CNBD1: variants seen among roughly 807,000 people sequenced by gnomAD.
The protein encoded by CNBD1 is cyclic nucleotide-binding domain-containing protein 1.
A neutral mutation model predicts 54.4 loss-of-function variants in CNBD1; 71 were observed. That is an observed-to-expected ratio of 1.30 (90% CI 1.08 to 1.59). CNBD1 has a LOEUF of 1.59. Among genes scored for constraint, CNBD1 ranks in the 40% most tolerant of loss-of-function variants. The pLI is 0.00. For missense variants in CNBD1, 659 were observed against 518.0 expected, an observed-to-expected ratio of 1.27 and a Z score of -2.64; for synonymous variants, 182 against 170.7, an observed-to-expected ratio of 1.07 and a Z score of -0.51.
At chr8:87,064,403 C>T (rs1056875927) in intron 4 of CNBD1, among the ~76,000 whole-genome samples, 2 of 151,818 alleles carry the variant, frequency 1.3e-5, no homozygotes, top group Admixed American at 1.3e-4. Context: ...CTCAATTTAT[C>T]AAAGTATAAT....
intron 4 of CNBD1, among the ~76,000 whole-genome samples, chr8:87,059,377 G>A (rs1810494977): frequency 6.6e-6 from 1 of 152,070 alleles, no homozygotes; most frequent in African/African-American, 2.4e-5. Context: ...ACATTTTCAA[G>A]CTCCTTATAG....
In CNBD1 at chr8:87,264,586, A is replaced by C. The variant is rs186235873; in HGVS notation, c.772-20092A>C. On this transcript the variant is annotated intron_variant, in intron 6 of 10. Coordinates refer to ENST00000518476, the MANE Select transcript of CNBD1 (RefSeq NM_173538.3). ...GAGGAATCACCACACTGTCTTCCAC[A>C]ATGGTTGAACTAGTTTACAGTCCCA... 8.4e-3 allele frequency among the ~76,000 whole-genome samples: 1,280 copies of C among 152,256 alleles called. 21 individuals carry two copies. Among genetic ancestry groups the C allele is most frequent in the African/African-American group, 0.029 (1,213 of 41,520 alleles).
At chr8:87,176,550 C>T (rs1813201531) in intron 4 of CNBD1, among the ~76,000 whole-genome samples, 1 of 148,282 alleles carries the variant, frequency 6.7e-6, no homozygotes, top group African/African-American at 2.5e-5. Flanking sequence ...GTGGCACAAT[C>T]TCGGCTCACT....
At chr8:87,164,744 C>G (rs575764952) in intron 4 of CNBD1, among the ~76,000 whole-genome samples, 1 of 151,446 alleles carries the variant, frequency 6.6e-6, no homozygotes, top group South Asian at 2.1e-4. Flanking sequence ...ACTTTCATTG[C>G]TTTTTTCTGT....
intron 4 of CNBD1, among the ~76,000 whole-genome samples, chr8:86,959,252 C>T (rs112218767): frequency 0.026 from 4,030 of 152,236 alleles, 186 homozygotes; most frequent in African/African-American, 0.093. Context: ...TTGTGGGTAA[C>T]CCAACCTTTC....
intron 8 of CNBD1, among the ~76,000 whole-genome samples, chr8:87,313,173 G>A (rs533368261): frequency 1.3e-5 from 2 of 151,928 alleles, no homozygotes; most frequent in African/African-American, 2.4e-5. Flanking sequence ...AACTTGAAAA[G>A]GTTTGATGCT....
intron 4 of CNBD1, among the ~76,000 whole-genome samples, chr8:87,075,015 T>C (rs1810839192): frequency 2.0e-5 from 3 of 152,226 alleles, no homozygotes; most frequent in African/African-American, 7.2e-5. Flanking sequence ...CTGTCTGTTT[T>C]AGTTTGCTCA....
chr8:87,162,296 A>C (rs994125808), intron 4 of CNBD1, among the ~76,000 whole-genome samples: 2 of 152,150 alleles, frequency 1.3e-5, no homozygotes, highest in Non-Finnish European at 2.9e-5. Flanking sequence ...TGCAGCTAAT[A>C]GTATTTCACC....
chr8:87,259,182 C>T (rs768956965), intron 6 of CNBD1, among the ~76,000 whole-genome samples: 2 of 152,104 alleles, frequency 1.3e-5, no homozygotes, highest in African/African-American at 4.8e-5. Flanking sequence ...TCTACGACAT[C>T]CTTGGACTTT....
At chr8:87,414,997 C>G (rs1329718375) in intron 2 of CNBD1, among the ~76,000 whole-genome samples, 1 of 152,014 alleles carries the variant, frequency 6.6e-6, no homozygotes. Flanking sequence ...TATGTTTCTT[C>G]TGGCAGCAAG....
At chr8:87,428,145 G>C (rs1393425778) in intron 2 of CNBD1, among the ~76,000 whole-genome samples, 3 of 134,630 alleles carry the variant, frequency 2.2e-5, no homozygotes, top group Non-Finnish European at 3.2e-5. Context: ...CAAAAAAAAG[G>C]CAAAAAAAGA....
intron 2 of CNBD1, among the ~76,000 whole-genome samples, chr8:87,425,635 G>T (rs1477115697): frequency 6.6e-6 from 1 of 152,112 alleles, no homozygotes; most frequent in Non-Finnish European, 1.5e-5. Flanking sequence ...CTGCTCGGGG[G>T]TCAGGGGTCA....
Position 86,904,690 on chromosome 8 carries a change from C to T in CNBD1, c.159-391C>T, listed in dbSNP as rs550403059. ...TAAAAAATACTGCCTGCGATTTTAA[C>T]ACATGATGGCAAAGATTCAAATAAA... On this transcript the variant is annotated intron_variant, in intron 2 of 10. Transcript: ENST00000518476. Among the ~76,000 whole-genome samples the T allele has an allele frequency of 1.6e-3, 242 of 152,148 alleles. 4 individuals carry two copies. Among genetic ancestry groups the T allele is most frequent in the Admixed American group, 9.8e-4 (15 of 15,284 alleles).
intron 10 of CNBD1, among the ~76,000 whole-genome samples, chr8:87,360,277 G>C (rs1027455090): frequency 3.3e-5 from 5 of 151,888 alleles, no homozygotes; most frequent in Non-Finnish European, 7.4e-5. Flanking sequence ...GATGTATGCA[G>C]CAATTAGTTT....
At chr8:86,906,008 G>C (rs1809011919) in intron 3 of CNBD1, among the ~76,000 whole-genome samples, 1 of 152,116 alleles carries the variant, frequency 6.6e-6, no homozygotes, top group African/African-American at 2.4e-5. Flanking sequence ...TGCCATATCT[G>C]TAAGACTGTA....
intron 4 of CNBD1, among the ~76,000 whole-genome samples, chr8:87,186,730 C>G (rs1408996818): frequency 6.6e-6 from 1 of 151,288 alleles, no homozygotes; most frequent in Non-Finnish European, 1.5e-5. Flanking sequence ...AATAAAAATT[C>G]CCATTTTAAA....
At chr8:87,132,537 C>T (rs541510798) in intron 4 of CNBD1, among the ~76,000 whole-genome samples, 2 of 150,026 alleles carry the variant, frequency 1.3e-5, no homozygotes, top group Admixed American at 6.7e-5. Flanking sequence ...TGCTGAGATT[C>T]TTAAAACTGT....
chr8:86,979,438 A>C (rs1808421490), intron 4 of CNBD1, among the ~76,000 whole-genome samples: 3 of 149,732 alleles, frequency 2.0e-5, no homozygotes, highest in South Asian at 4.2e-4. Context: ...AGGCAAAAAC[A>C]ATTTAGCCTG....
intron 10 of CNBD1, among the ~76,000 whole-genome samples, chr8:87,357,431 C>A (rs1449159538): frequency 6.6e-6 from 1 of 152,210 alleles, no homozygotes; most frequent in Non-Finnish European, 1.5e-5. Flanking sequence ...GAACCCATCC[C>A]TTGCACCAGT....
Sources: gnomAD v4.1 joint callset for allele counts (sites outside exome capture counted in the v4.1 genomes callset) on GRCh38, gnomAD v4.1.1 for gene constraint, MANE v1.5 for transcripts, NCBI Gene and HGNC (gene_info 2026-07-23, HGNC 2026-07-21) for gene names.